The following TOX3 variants were observed in gnomAD, a reference collection of about 807,000 sequenced individuals.
TOX3 encodes CAG trinucleotide repeat-containing gene F9 protein.
A neutral mutation model predicts 64.3 loss-of-function variants in TOX3; 22 were observed. The ratio of observed to expected loss-of-function variants is 0.34; its 90% confidence interval spans 0.24 to 0.49. TOX3 has a LOEUF of 0.49. Ranked by LOEUF, TOX3 falls within the 20% of genes least tolerant of loss-of-function variation. The pLI is 0.99. For missense variants in TOX3, 661 were observed against 714.4 expected (o/e 0.93, Z 0.85); for synonymous variants, 291 against 273.6 (o/e 1.06, Z -0.63).
intron 1 of TOX3, among the ~76,000 whole-genome samples, chr16:52,509,158 AT>A (rs1962236782): frequency 6.6e-6 from 1 of 152,192 alleles, no homozygotes; most frequent in African/African-American, 2.4e-5. Flanking sequence ...AAATAAAGCT[AT>A]TTATATATAG....
At chr16:52,542,284 C>CTA (rs1314946268) in intron 1 of TOX3, among the ~76,000 whole-genome samples, 1 of 152,206 alleles carries the variant, frequency 6.6e-6, no homozygotes, top group African/African-American at 2.4e-5. Context: ...GGGAGCAGAA[C>CTA]TGTCCACATA....
intron 1 of TOX3, among the ~76,000 whole-genome samples, chr16:52,504,103 G>A (rs1014137038): frequency 2.0e-5 from 3 of 152,118 alleles, no homozygotes; most frequent in African/African-American, 4.8e-5. Flanking sequence ...TATGCCAGCC[G>A]TTCCTAGTTG....
At chr16:52,510,759 C>CAAAAAAAA (rs71376169) in intron 1 of TOX3, among the ~76,000 whole-genome samples, 1 of 72,078 alleles carries the variant, frequency 1.4e-5, no homozygotes, top group Non-Finnish European at 2.7e-5. Flanking sequence ...GACCCTGTCT[C>CAAAAAAAA]AAAAAAAAAA....
chr16:52,480,069 C>T (rs925510904), intron 1 of TOX3, among the ~76,000 whole-genome samples: 3 of 152,194 alleles, frequency 2.0e-5, no homozygotes, highest in African/African-American at 7.2e-5. Context: ...CTGCTACAGT[C>T]CTTGGGGGCA....
intron 1 of TOX3, among the ~76,000 whole-genome samples, chr16:52,484,617 A>C (rs779037149): frequency 6.6e-6 from 1 of 152,174 alleles, no homozygotes; most frequent in Non-Finnish European, 1.5e-5. Context: ...ATGTGCCAGA[A>C]AGTTTGCTAA....
chr16:52,486,702 C>A (rs1327986011), intron 1 of TOX3, among the ~76,000 whole-genome samples: 1 of 152,058 alleles, frequency 6.6e-6, no homozygotes, highest in African/African-American at 2.4e-5. Flanking sequence ...GAGACCTAGG[C>A]AGGAGAATCA....
chr16:52,527,280 C>T (rs1962746835), intron 1 of TOX3, among the ~76,000 whole-genome samples: 1 of 152,090 alleles, frequency 6.6e-6, no homozygotes, highest in Non-Finnish European at 1.5e-5. Context: ...AGAAATGGAA[C>T]AAGAAATCAA....
chr16:52,468,557 GTTA>G lies in TOX3; in HGVS notation c.102_104del (p.Asn35del), dbSNP rs781289067. On this transcript the variant is annotated inframe_deletion, in exon 2 of 7. Transcript: ENST00000219746. Reference sequence around the variant, plus strand: ...TGTTCGCCTCAGCCATATTCATATAGTTATTATTATTTCCAAACTGAAAGAAAA... The same window carrying G: ...TGTTCGCCTCAGCCATATTCATATAGTTATTATTTCCAAACTGAAAGAAAA... 9.3e-6 allele frequency: 15 copies of G among 1,611,786 alleles called. No homozygotes were observed. In the Admixed American group the frequency reaches 1.3e-4, roughly 14 times the overall value.
At chr16:52,542,032 T>C (rs1268981030) in intron 1 of TOX3, among the ~76,000 whole-genome samples, 3 of 152,248 alleles carry the variant, frequency 2.0e-5, no homozygotes, top group Non-Finnish European at 4.4e-5. Flanking sequence ...CGGATCCATA[T>C]CAACTCAGAT....
Position 52,547,073 on chromosome 16 carries a change from G to C in TOX3, c.-350C>G, listed in dbSNP as rs1165938016. The C allele has an allele frequency of 2.2e-6, 1 of 463,696 alleles. No homozygotes were observed. The highest frequency in any genetic ancestry group is 1.5e-4 in the East Asian group (1 of 6,490). 28.7% of individuals were successfully genotyped at this position (463,696 alleles called of 1,614,324 possible). On this transcript the variant is annotated 5_prime_UTR_variant, in exon 1 of 7. Transcript: ENST00000219746. ...GTGCGCTGGGCGAGGCTGGGACGGC[G>C]GCGGCGGCGGCGGCTGGCCCCGCTC...
chr16:52,472,910 T>C (rs1390255859), intron 1 of TOX3, among the ~76,000 whole-genome samples: 1 of 152,148 alleles, frequency 6.6e-6, no homozygotes, highest in Non-Finnish European at 1.5e-5. Flanking sequence ...CAGAACTAAA[T>C]TACTCTGCAT....
At position 52,547,100 on chromosome 16, in the gene TOX3, T is replaced by A; in HGVS notation, c.-377A>T. 1 of 261,302 alleles carries A rather than the reference T, an allele frequency of 3.8e-6. No individual in the cohort carries two copies. Among genetic ancestry groups the A allele is most frequent in the Non-Finnish European group, 5.9e-6 (1 of 170,704 alleles). 16.2% of individuals were successfully genotyped at this position (261,302 alleles called of 1,614,324 possible). A position where few individuals can be genotyped will look rare whatever the true frequency, so the allele number is the denominator to read the frequency against. On this transcript the variant is annotated 5_prime_UTR_variant, in exon 1 of 7. Coordinates refer to ENST00000219746, the MANE Select transcript of TOX3 (RefSeq NM_001080430.4). ...CGGCGGCGGCGGCTGGCCCCGCTCCTCCTCCTCCTCCCCGGGCGGACTGAG... is the reference window on the plus strand; with the variant it reads ...CGGCGGCGGCGGCTGGCCCCGCTCCACCTCCTCCTCCCCGGGCGGACTGAG...
intron 1 of TOX3, among the ~76,000 whole-genome samples, chr16:52,538,654 T>A (rs995251148): frequency 1.3e-5 from 2 of 152,190 alleles, no homozygotes; most frequent in African/African-American, 4.8e-5. Flanking sequence ...GAGTAAAAAC[T>A]CAAATGTGTC....
At chr16:52,546,612 C>G (rs1400384612) in intron 1 of TOX3, 25 bp downstream of exon 1, 2 of 1,531,086 alleles carry the variant, frequency 1.3e-6, no homozygotes, top group Admixed American at 2.0e-5. Context: ...CCCCGCCCCC[C>G]GGCCCACCGG....
intron 1 of TOX3, among the ~76,000 whole-genome samples, chr16:52,478,377 G>A (rs571523187): frequency 3.9e-4 from 59 of 152,150 alleles, no homozygotes; most frequent in African/African-American, 1.4e-3. Flanking sequence ...CCTACTTTAC[G>A]CAGGTTTCTG....
At chr16:52,530,630 G>C (rs928522447) in intron 1 of TOX3, among the ~76,000 whole-genome samples, 1 of 151,616 alleles carries the variant, frequency 6.6e-6, no homozygotes. Context: ...ATGTAGGCGT[G>C]AGCCACCATG....
rs1173999326 is a variant in TOX3, at chr16:52,452,738, G to GA, written c.409-2193dup. Reference sequence around the variant, plus strand: ...AACAAAAACTAAAACACTTTAATCAGAAAAAAAAGGAAGATAATGCAAGTG... The same window carrying GA: ...AACAAAAACTAAAACACTTTAATCAGAAAAAAAAAGGAAGATAATGCAAGTG... On this transcript the variant is annotated intron_variant, in intron 3 of 6. Transcript: ENST00000219746. Among the ~76,000 whole-genome samples, 93 of 151,208 alleles carry GA rather than the reference G, an allele frequency of 6.2e-4. 1 individual carries two copies. Among genetic ancestry groups the GA allele is most frequent in the East Asian group, 3.9e-4 (2 of 5,134 alleles).
chr16:52,511,719 C>T (rs1962316743), intron 1 of TOX3, among the ~76,000 whole-genome samples: 1 of 151,980 alleles, frequency 6.6e-6, no homozygotes, highest in African/African-American at 2.4e-5. Flanking sequence ...CCAAATAGTT[C>T]CAGAAAAGTA....
At chr16:52,501,055 G>T (rs1961987252) in intron 1 of TOX3, among the ~76,000 whole-genome samples, 1 of 152,150 alleles carries the variant, frequency 6.6e-6, no homozygotes, top group South Asian at 2.1e-4. Flanking sequence ...CTTGCCATGT[G>T]CCAAGTACAG....
Sources: allele counts gnomAD v4.1 joint callset (sites outside exome capture counted in the v4.1 genomes callset), GRCh38; gene constraint gnomAD v4.1.1; transcripts MANE v1.5; gene names NCBI Gene and HGNC (gene_info 2026-07-23, HGNC 2026-07-21).